Variants in SNX29 observed in about 807,000 individuals in gnomAD.
SNX29 encodes sorting nexin 29.
Under a neutral mutation model 102.1 loss-of-function variants are expected in SNX29, and 78 were observed. That is an observed-to-expected ratio of 0.76 (90% confidence interval 0.64 to 0.92). The LOEUF (loss-of-function observed/expected upper bound fraction) is 0.92, where lower values mean the gene tolerates loss of function less well. SNX29 is among the 40% of genes least tolerant of loss of function. The pLI is 0.00. For synonymous variants in SNX29, 580 were observed against 414.5 expected (o/e 1.40, Z -4.85); for missense variants, 1,280 against 1,061.7 (o/e 1.21, Z -2.86).
In SNX29 at chr16:12,571,178, T is replaced by TG. The variant is rs2079179911; in HGVS notation, c.*2551dup. 1 of 232,350 alleles carries TG rather than the reference T, an allele frequency of 4.3e-6. No individual in the cohort carries two copies. The highest frequency in any genetic ancestry group is 8.5e-6 in the Non-Finnish European group (1 of 117,576). 14.4% of individuals were successfully genotyped at this position (232,350 alleles called of 1,614,324 possible). A position where few individuals can be genotyped will look rare whatever the true frequency, so the allele number is the denominator to read the frequency against. The stretch of plus-strand genomic sequence containing the variant: ...AAGAATCCCGTCCTGCTCTCTAGTG[T>TG]GGTGGGATGAACTTCAGGCAACAAA... On this transcript the variant is annotated 3_prime_UTR_variant, in exon 21 of 21. Coordinates refer to ENST00000566228, the MANE Select transcript of SNX29 (RefSeq NM_032167.5).
At chr16:12,527,447 T>C (rs2076817316) in intron 20 of SNX29, 1 of 431,424 alleles carries the variant, frequency 2.3e-6, no homozygotes. Context: ...TTCTCCTTGG[T>C]TCTTTCAAAT....
At chr16:12,229,346 G>A (rs1277432654) in intron 14 of SNX29, among the ~76,000 whole-genome samples, 2 of 152,204 alleles carry the variant, frequency 1.3e-5, no homozygotes, top group Non-Finnish European at 2.9e-5. Flanking sequence ...GGTCAGGCCA[G>A]TCCTAGGATT....
intron 20 of SNX29, among the ~76,000 whole-genome samples, chr16:12,533,031 T>G (rs2141185396): frequency 6.6e-6 from 1 of 152,168 alleles, no homozygotes; most frequent in South Asian, 2.1e-4. Flanking sequence ...CACCAACAAG[T>G]CATCAAGGGC....
At chr16:12,020,774 C>G (rs941806400) in intron 3 of SNX29, among the ~76,000 whole-genome samples, 1 of 152,146 alleles carries the variant, frequency 6.6e-6, no homozygotes, top group East Asian at 1.9e-4. Flanking sequence ...CAGGCACTCG[C>G]CACCATGCTC....
chr16:12,215,497 T>A (rs1218981311), intron 14 of SNX29, among the ~76,000 whole-genome samples: 1 of 152,072 alleles, frequency 6.6e-6, no homozygotes, highest in Admixed American at 6.5e-5. Context: ...ATACTCTATA[T>A]CTACCCACCT....
intron 20 of SNX29, among the ~76,000 whole-genome samples, chr16:12,554,258 T>G (rs2078180342): frequency 6.6e-6 from 1 of 152,240 alleles, no homozygotes; most frequent in Non-Finnish European, 1.5e-5. Flanking sequence ...CGTCTCTGCC[T>G]TTTGGTGCAT....
rs747620349 is a variant in SNX29, at chr16:12,398,475, A to T, written c.1929A>T (p.Glu643Asp). The T allele has an allele frequency of 3.7e-6, 6 of 1,613,996 alleles. No individual in the cohort carries two copies. The highest frequency in any genetic ancestry group is 5.1e-6 in the Non-Finnish European group (6 of 1,179,880). ...PVPGDLSQTSEDQSLSDFEIS... is the reference protein window; with the variant it reads ...PVPGDLSQTSDDQSLSDFEIS... ...CTGGAGATTTGAGTCAAACGTCCGAAGACCAGAGTTTGTCGGATTTTGAAA... is the reference window on the plus strand; with the variant it reads ...CTGGAGATTTGAGTCAAACGTCCGATGACCAGAGTTTGTCGGATTTTGAAA... Residue 643 changes from glutamate to aspartate, a missense_variant, in exon 17 of 21, where the codon GAA (glutamate) becomes GAT (aspartate). Glu to Asp is a conservative substitution (Grantham distance 45). Transcript: ENST00000566228.
chr16:12,565,004 C>T (rs900114646), intron 20 of SNX29, among the ~76,000 whole-genome samples: 1 of 151,918 alleles, frequency 6.6e-6, no homozygotes, highest in Non-Finnish European at 1.5e-5. Flanking sequence ...GCCCATGTCT[C>T]TACTGTTGGA....
At chr16:12,160,636 ATTG>A (rs1003888498) in intron 13 of SNX29, among the ~76,000 whole-genome samples, 18 of 152,226 alleles carry the variant, frequency 1.2e-4, no homozygotes, top group East Asian at 1.9e-4. Flanking sequence ...TCTTCATAGA[ATTG>A]TTGTTGTTGT....
At chr16:12,336,854 G>A (rs181057640) in intron 15 of SNX29, among the ~76,000 whole-genome samples, 1 of 152,300 alleles carries the variant, frequency 6.6e-6, no homozygotes, top group Admixed American at 6.5e-5. Flanking sequence ...GCTAATATGG[G>A]AGGATCACTT....
chr16:12,141,126 G>C (rs1023861133), intron 13 of SNX29, among the ~76,000 whole-genome samples: 1 of 152,232 alleles, frequency 6.6e-6, no homozygotes, highest in Admixed American at 6.5e-5. Flanking sequence ...TCTTTAGAAG[G>C]AGTCCAGAAA....
At chr16:12,219,503 A>G (rs1007020200) in intron 14 of SNX29, among the ~76,000 whole-genome samples, 1 of 152,190 alleles carries the variant, frequency 6.6e-6, no homozygotes, top group African/African-American at 2.4e-5. Flanking sequence ...TACCTTGCTA[A>G]TGACATACAA....
At chr16:12,245,289 G>A (rs762796112) in intron 14 of SNX29, among the ~76,000 whole-genome samples, 2 of 152,018 alleles carry the variant, frequency 1.3e-5, no homozygotes, top group Admixed American at 6.6e-5. Flanking sequence ...TGTTAAATGG[G>A]GTAATGAGAA....
intron 15 of SNX29, among the ~76,000 whole-genome samples, chr16:12,339,232 G>C (rs530595209): frequency 1.3e-5 from 2 of 152,122 alleles, no homozygotes; most frequent in Admixed American, 6.5e-5. Flanking sequence ...TTAGCCAGGC[G>C]TGGTGGCGCA....
intron 20 of SNX29, among the ~76,000 whole-genome samples, chr16:12,545,877 G>A (rs1057024663): frequency 7.9e-5 from 12 of 152,138 alleles, no homozygotes; most frequent in African/African-American, 2.7e-4. Flanking sequence ...AGCCTAAGCC[G>A]TGGGCATTGG....
chr16:12,537,079 C>T (rs1214555091), intron 20 of SNX29, among the ~76,000 whole-genome samples: 1 of 152,170 alleles, frequency 6.6e-6, no homozygotes, highest in African/African-American at 2.4e-5. Context: ...GTAGATTTAT[C>T]CATGTATCTC....
chr16:12,102,220 T>C (rs1449876326), intron 11 of SNX29, among the ~76,000 whole-genome samples: 1 of 152,218 alleles, frequency 6.6e-6, no homozygotes, highest in Non-Finnish European at 1.5e-5. Context: ...AGTGCCGCAG[T>C]AAACATCCGT....
At chr16:12,562,785 C>T (rs888985117) in intron 20 of SNX29, among the ~76,000 whole-genome samples, 3 of 152,180 alleles carry the variant, frequency 2.0e-5, no homozygotes, top group East Asian at 1.9e-4. Flanking sequence ...CTTTAGCCAT[C>T]ACCATCAAGA....
In SNX29 at chr16:12,433,288, C is replaced by G. The variant is rs541587084; in HGVS notation, c.2037+29759C>G. ...GAGCCTTCTTCCTCTGCCTTAACGTCCACTGATTGGAACACCCCATTTAGA... is the reference window on the plus strand; with the variant it reads ...GAGCCTTCTTCCTCTGCCTTAACGTGCACTGATTGGAACACCCCATTTAGA... On this transcript the variant is annotated intron_variant, in intron 18 of 20. Coordinates refer to ENST00000566228, the MANE Select transcript of SNX29 (RefSeq NM_032167.5). 4.6e-5 allele frequency among the ~76,000 whole-genome samples: 7 copies of G among 152,238 alleles called. No individual in the cohort carries two copies. In the South Asian group the frequency reaches 1.5e-3, roughly 32 times the overall value.
Sources: allele counts gnomAD v4.1 joint callset (sites outside exome capture counted in the v4.1 genomes callset), GRCh38; gene constraint gnomAD v4.1.1; transcripts MANE v1.5; gene names NCBI Gene and HGNC (gene_info 2026-07-23, HGNC 2026-07-21).